Variants in ZNF385D observed in about 807,000 individuals in gnomAD.
ZNF385D encodes the protein zinc finger protein 385D.
In ZNF385D, 15 loss-of-function variants were observed where a neutral mutation model predicts 35.8. That is an observed-to-expected ratio of 0.42 (90% CI 0.28 to 0.64). The LOEUF is 0.64. Among genes scored for constraint, ZNF385D ranks in the 30% least tolerant of loss-of-function variants. The pLI, the probability that ZNF385D is intolerant of heterozygous loss-of-function variation, is 0.23. For synonymous variants in ZNF385D, 212 were observed against 186.8 expected (o/e 1.13, Z -1.10); for missense variants, 474 against 494.6 (o/e 0.96, Z 0.39).
intron 2 of ZNF385D, among the ~76,000 whole-genome samples, chr3:21,650,569 T>A (rs1477465330): frequency 6.6e-6 from 1 of 152,182 alleles, no homozygotes. Context: ...TTAAAACAAA[T>A]TTTTAAAAAA....
chr3:22,211,118 GGAGT>G (rs1417685136), intron 2 of ZNF385D, among the ~76,000 whole-genome samples: 1 of 151,862 alleles, frequency 6.6e-6, no homozygotes, highest in Non-Finnish European at 1.5e-5. Flanking sequence ...TTAAGTAGAA[GGAGT>G]GTGTTTGCAA....
intron 2 of ZNF385D, among the ~76,000 whole-genome samples, chr3:21,608,023 G>T (rs28651030): frequency 0.016 from 1,903 of 118,778 alleles, 66 homozygotes; most frequent in African/African-American, 0.055. Context: ...TTTTTTTTTT[G>T]TTTTTTTTTT....
chr3:21,563,814 T>C (rs1255710876), intron 3 of ZNF385D, among the ~76,000 whole-genome samples: 1 of 152,172 alleles, frequency 6.6e-6, no homozygotes, highest in Non-Finnish European at 1.5e-5. Context: ...CTCTTAGGAC[T>C]TAACTTCATA....
intron 2 of ZNF385D, among the ~76,000 whole-genome samples, chr3:22,283,294 G>A (rs769566295): frequency 4.6e-5 from 7 of 151,972 alleles, no homozygotes. Context: ...AGTCAACAAG[G>A]AAACAATGGA....
At position 21,890,390 on chromosome 3, in the gene ZNF385D, G is replaced by A. The variant is rs78936211; in HGVS notation, c.326-225362C>T. On this transcript the variant is annotated intron_variant, in intron 3 of 5. Transcript: ENST00000494108. Reference sequence around the variant, plus strand: ...TCCCAGCACTTTGGGAGGCCGAGGCGGGCAGATCACCTGAGGTCAGGAGTT... The same window carrying A: ...TCCCAGCACTTTGGGAGGCCGAGGCAGGCAGATCACCTGAGGTCAGGAGTT... 5.9e-5 allele frequency among the ~76,000 whole-genome samples: 9 copies of A among 152,206 alleles called. No homozygotes were observed. In the East Asian group the frequency reaches 7.8e-4, roughly 13 times the overall value.
At chr3:22,061,606 AG>A (rs1699689876) in intron 3 of ZNF385D, among the ~76,000 whole-genome samples, 1 of 152,210 alleles carries the variant, frequency 6.6e-6, no homozygotes, top group Non-Finnish European at 1.5e-5. Flanking sequence ...TTACATGTCC[AG>A]CCCCATTTCT....
intron 3 of ZNF385D, among the ~76,000 whole-genome samples, chr3:21,848,116 C>T (rs1252118079): frequency 6.6e-6 from 1 of 151,982 alleles, no homozygotes; most frequent in Non-Finnish European, 1.5e-5. Context: ...GCCCAATTGA[C>T]TTATTTCTCT....
At chr3:22,102,598 G>T (rs569259511) in intron 3 of ZNF385D, among the ~76,000 whole-genome samples, 2 of 151,984 alleles carry the variant, frequency 1.3e-5, no homozygotes, top group African/African-American at 4.8e-5. Context: ...GGCCAAATGA[G>T]GCATAGGCAG....
chr3:21,826,626 A>T (rs1220955819), intron 3 of ZNF385D, among the ~76,000 whole-genome samples: 1 of 152,136 alleles, frequency 6.6e-6, no homozygotes, highest in Non-Finnish European at 1.5e-5. Context: ...ATGTGGTCAG[A>T]GACAGCAGCT....
At chr3:22,218,348 T>C (rs1228052197) in intron 2 of ZNF385D, among the ~76,000 whole-genome samples, 2 of 151,710 alleles carry the variant, frequency 1.3e-5, no homozygotes, top group African/African-American at 2.4e-5. Flanking sequence ...TAAAAAATTA[T>C]TGCTGGTAAA....
chr3:21,446,225 G>C (rs955266004), intron 4 of ZNF385D, among the ~76,000 whole-genome samples: 13 of 152,114 alleles, frequency 8.5e-5, no homozygotes, highest in African/African-American at 3.1e-4. Flanking sequence ...TTAGTTTCCG[G>C]TTTAGATTAA....
intron 3 of ZNF385D, among the ~76,000 whole-genome samples, chr3:22,062,082 G>C (rs908765772): frequency 6.6e-6 from 1 of 152,074 alleles, no homozygotes; most frequent in African/African-American, 2.4e-5. Flanking sequence ...CTGTTGCCCA[G>C]GCTGGAGTGC....
chr3:21,824,956 A>T (rs1286466090), intron 3 of ZNF385D, among the ~76,000 whole-genome samples: 2 of 152,208 alleles, frequency 1.3e-5, no homozygotes, highest in Non-Finnish European at 2.9e-5. Flanking sequence ...TTTTGTTAAA[A>T]ATGTGATGTG....
At chr3:21,684,361 TTCTCCTCTC>T (rs1353724725) in intron 1 of ZNF385D, among the ~76,000 whole-genome samples, 1 of 110,192 alleles carries the variant, frequency 9.1e-6, no homozygotes, top group East Asian at 2.9e-4. Context: ...TGGTTAACTG[TTCTCCTCTC>T]TCTCTCTCTC....
intron 3 of ZNF385D, among the ~76,000 whole-genome samples, chr3:21,557,745 C>T (rs944290410): frequency 6.6e-6 from 1 of 152,156 alleles, no homozygotes; most frequent in Non-Finnish European, 1.5e-5. Flanking sequence ...GGTACCACTT[C>T]CTTTTTGTAC....
At chr3:22,023,200 G>C (rs766718920) in intron 3 of ZNF385D, among the ~76,000 whole-genome samples, 1 of 152,124 alleles carries the variant, frequency 6.6e-6, no homozygotes, top group Non-Finnish European at 1.5e-5. Flanking sequence ...AGTCAAATGA[G>C]ATTGCAAGGG....
rs372220183 is a variant in ZNF385D at position 22,202,861 on chromosome 3, G to A, written c.107-33826C>T. ...CATTTAGATAAGCTCTAGACAGAGG[G>A]GAATCACCCATTCCATTGGTTGAAA... On this transcript the variant is annotated intron_variant, in intron 2 of 5. Transcript: ENST00000494108. Among the ~76,000 whole-genome samples the A allele has an allele frequency of 3.9e-5, 6 of 152,228 alleles. No homozygotes were observed. In the South Asian group the frequency reaches 8.3e-4, roughly 21 times the overall value.
intron 2 of ZNF385D, among the ~76,000 whole-genome samples, chr3:22,331,517 C>T (rs1268511547): frequency 6.6e-6 from 1 of 152,080 alleles, no homozygotes; most frequent in Non-Finnish European, 1.5e-5. Context: ...AACGCATACT[C>T]GTAAAACACT....
intron 1 of ZNF385D, among the ~76,000 whole-genome samples, chr3:21,678,197 A>G (rs760746547): frequency 4.6e-5 from 7 of 152,094 alleles, no homozygotes; most frequent in Non-Finnish European, 1.0e-4. Context: ...AAAGTGTCCA[A>G]TCATCTTTTG....
Sources: gnomAD v4.1 joint callset for allele counts (sites outside exome capture counted in the v4.1 genomes callset) on GRCh38, gnomAD v4.1.1 for gene constraint, MANE v1.5 for transcripts, NCBI Gene and HGNC (gene_info 2026-07-23, HGNC 2026-07-21) for gene names.